JAK2: variants seen among roughly 807,000 people sequenced by gnomAD.
The protein encoded by JAK2 is Janus kinase 2.
JAK2 carries 86 observed loss-of-function variants against 139.3 expected under a neutral mutation model. The observed-to-expected ratio is 0.62, with a 90% CI of 0.52 to 0.74. The LOEUF is 0.74. Ranked by LOEUF, JAK2 falls within the 30% of genes least tolerant of loss-of-function variation. The pLI is 0.00. For synonymous variants in JAK2, 490 were observed against 437.7 expected (o/e 1.12, Z -1.49); for missense variants, 1,421 against 1,360.3 (o/e 1.04, Z -0.70).
At chr9:4,999,190 A>C (rs1357915841) in intron 2 of JAK2, among the ~76,000 whole-genome samples, 1 of 152,180 alleles carries the variant, frequency 6.6e-6, no homozygotes, top group East Asian at 1.9e-4. Flanking sequence ...AGGTAAAATG[A>C]TTACATTTGA....
chr9:4,998,971 G>T (rs377323667), intron 2 of JAK2, among the ~76,000 whole-genome samples: 1 of 150,446 alleles, frequency 6.6e-6, no homozygotes, highest in African/African-American at 2.5e-5. Context: ...ACAGGTGCCC[G>T]CCACCACGCC....
Position 5,029,823 on chromosome 9 carries a change from T to C in JAK2, c.267T>C (p.Ser89=). The C allele has an allele frequency of 6.2e-7, 1 of 1,611,492 alleles. No homozygotes were observed. Among genetic ancestry groups the C allele is most frequent in the Non-Finnish European group, 8.5e-7 (1 of 1,178,052 alleles). Residue 89 remains serine (S), a synonymous_variant, in exon 4 of 25, where the codon AGT becomes AGC. Transcript: ENST00000381652. ...ATCATAATATGTTTGCTTTAATGAG[T>C]GAAACAGAAAGGATCTGGTATCCAC... ...PVYHNMFALM[S]ETERIWYPPN... is the part of the protein sequence containing the mutation.
chr9:5,041,313 C>T (rs906565089), intron 4 of JAK2: 3 of 786,152 alleles, frequency 3.8e-6, no homozygotes, highest in South Asian at 3.2e-5. Flanking sequence ...AAGCACATCC[C>T]GTGCAGCCAG....
chr9:5,032,199 G>T lies in JAK2; in HGVS notation c.350+2293G>T, dbSNP rs371779848. ...ACTGCAAGGTGGCAGCGAGGCTGGG[G>T]GAGGGGCGCCCGCCATTGCCGAGGG... On this transcript the variant is annotated intron_variant, in intron 4 of 24. Coordinates refer to ENST00000381652, the MANE Select transcript of JAK2 (RefSeq NM_004972.4). Among the ~76,000 whole-genome samples, 1,358 of 152,354 alleles carry T rather than the reference G, an allele frequency of 8.9e-3. 17 individuals carry two copies. The highest frequency in any genetic ancestry group is 0.03 in the African/African-American group (1,233 of 41,586).
At chr9:5,086,155 G>A in intron 19 of JAK2, 1 of 359,994 alleles carries the variant, frequency 2.8e-6, no homozygotes, top group South Asian at 4.5e-5. Context: ...AAGGCTCGGG[G>A]AGCGGTCTCC....
At chr9:5,048,300 C>A (rs1441040794) in intron 5 of JAK2, among the ~76,000 whole-genome samples, 1 of 152,060 alleles carries the variant, frequency 6.6e-6, no homozygotes, top group African/African-American at 2.4e-5. Context: ...TGCCACTACG[C>A]CCGGCTAATT....
At chr9:4,989,292 T>C (rs1448743204) in intron 2 of JAK2, among the ~76,000 whole-genome samples, 2 of 152,198 alleles carry the variant, frequency 1.3e-5, no homozygotes, top group African/African-American at 4.8e-5. Flanking sequence ...TCTCCATCCC[T>C]CTTTTTTTTC....
intron 22 of JAK2, among the ~76,000 whole-genome samples, chr9:5,117,448 A>G (rs1823282559): frequency 6.6e-6 from 1 of 152,180 alleles, no homozygotes; most frequent in South Asian, 2.1e-4. Context: ...CTGTGAAGTA[A>G]AAAATATTTT....
rs755783034 is a variant in JAK2 at position 5,055,816 on chromosome 9, G to T, written c.1056+28G>T. The T allele has an allele frequency of 8.8e-6, 14 of 1,584,522 alleles. No individual in the cohort carries two copies. The East Asian group carries it at 2.9e-4, about 33-fold the overall frequency. On this transcript the variant is annotated intron_variant, in intron 8 of 24. Coordinates refer to ENST00000381652, the MANE Select transcript of JAK2 (RefSeq NM_004972.4). ...AAGTTTGCTTTATGATTGAATAATG[G>T]TTTCATTTTATAGTTCTCAGAAATG...
At chr9:4,998,855 G>A (rs2209773) in intron 2 of JAK2, among the ~76,000 whole-genome samples, 1 of 151,596 alleles carries the variant, frequency 6.6e-6, no homozygotes, top group Non-Finnish European at 1.5e-5. Context: ...TTTTGAGATG[G>A]AGTCTCCCTC....
At chr9:5,093,182 C>T (rs146655972) in intron 22 of JAK2, among the ~76,000 whole-genome samples, 1 of 152,164 alleles carries the variant, frequency 6.6e-6, no homozygotes, top group Non-Finnish European at 1.5e-5. Context: ...AGATATTTTA[C>T]AATAAGCATC....
chr9:5,050,205 G>A (rs1003068363), intron 5 of JAK2, among the ~76,000 whole-genome samples: 3 of 152,246 alleles, frequency 2.0e-5, no homozygotes, highest in African/African-American at 7.2e-5. Flanking sequence ...TGGGAACCCA[G>A]TGTAAATCAG....
At chr9:5,110,777 TA>T in intron 22 of JAK2, 1 of 392,924 alleles carries the variant, frequency 2.5e-6, no homozygotes, top group South Asian at 2.0e-5. Context: ...GCAGGAGTGG[TA>T]AGGGCCCGGG....
chr9:4,984,427 T>C (rs181243208), upstream of JAK2: 139 of 152,396 alleles, frequency 9.1e-4, no homozygotes, highest in African/African-American at 3.2e-3. Context: ...GCCGGTAAAG[T>C]TGTTTCTCCT....
intron 22 of JAK2, among the ~76,000 whole-genome samples, chr9:5,106,024 C>T (rs957295487): frequency 1.7e-4 from 26 of 152,144 alleles, no homozygotes; most frequent in South Asian, 4.1e-4. Flanking sequence ...ATGATGAAAA[C>T]GCCAGAAACA....
intron 2 of JAK2, among the ~76,000 whole-genome samples, chr9:5,002,062 T>C (rs528770699): frequency 2.0e-5 from 3 of 152,098 alleles, no homozygotes; most frequent in Admixed American, 6.5e-5. Context: ...TAATATGTGT[T>C]CTTTTCTGTT....
chr9:5,068,890 C>G (rs760516111), intron 10 of JAK2, 132 bp from the exon 11 acceptor site: 32 of 555,372 alleles, frequency 5.8e-5, no homozygotes, highest in Non-Finnish European at 9.4e-5. Flanking sequence ...TATCACTATA[C>G]TGGCACTACA....
chr9:5,009,867 C>G (rs1180851096), intron 2 of JAK2, among the ~76,000 whole-genome samples: 1 of 151,740 alleles, frequency 6.6e-6, no homozygotes, highest in African/African-American at 2.4e-5. Flanking sequence ...AACTCATAAG[C>G]TTAAGCCGTC....
At chr9:5,015,423 A>G (rs764027676) in intron 2 of JAK2, among the ~76,000 whole-genome samples, 2 of 152,256 alleles carry the variant, frequency 1.3e-5, no homozygotes, top group African/African-American at 2.4e-5. Context: ...TTGAGTTGAC[A>G]TATGCACAAA....
Sources: allele counts gnomAD v4.1 joint callset (sites outside exome capture counted in the v4.1 genomes callset), GRCh38; gene constraint gnomAD v4.1.1; transcripts MANE v1.5; gene names NCBI Gene and HGNC (gene_info 2026-07-23, HGNC 2026-07-21).